STXBP5L: variants seen among roughly 807,000 people sequenced by gnomAD.
The protein encoded by STXBP5L is syntaxin-binding protein 5-like.
STXBP5L carries 65 observed loss-of-function variants against 144.5 expected under a neutral mutation model. That is an observed-to-expected ratio of 0.45 (90% CI 0.37 to 0.55). The LOEUF (loss-of-function observed/expected upper bound fraction) is 0.55. Ranked by LOEUF, STXBP5L falls within the 20% of genes least tolerant of loss-of-function variation. The pLI is 0.00. For synonymous variants in STXBP5L, 505 were observed against 469.6 expected (o/e 1.08, Z -0.97); for missense variants, 1,298 against 1,405.5 (o/e 0.92, Z 1.22).
chr3:120,959,668 A>G (rs1468896374), intron 3 of STXBP5L, among the ~76,000 whole-genome samples: 1 of 152,250 alleles, frequency 6.6e-6, no homozygotes, highest in Non-Finnish European at 1.5e-5. Flanking sequence ...TCCCTATTTT[A>G]TAAATGATGC....
chr3:121,161,399 C>G (rs1468509105), intron 9 of STXBP5L, among the ~76,000 whole-genome samples: 2 of 151,962 alleles, frequency 1.3e-5, no homozygotes, highest in Non-Finnish European at 2.9e-5. Context: ...TCTGTAGTAG[C>G]TTGAATTTTG....
intron 3 of STXBP5L, among the ~76,000 whole-genome samples, chr3:120,979,312 G>A (rs1346172509): frequency 1.3e-5 from 2 of 152,208 alleles, no homozygotes; most frequent in Non-Finnish European, 2.9e-5. Context: ...TGCTGTGCTA[G>A]CAATCAGCAA....
chr3:121,157,448 G>T (rs2046156545), intron 8 of STXBP5L, 56 bp from the exon 9 acceptor site: 2 of 1,494,560 alleles, frequency 1.3e-6, no homozygotes, highest in South Asian at 1.4e-5. Flanking sequence ...AATATAGAAT[G>T]ATATAACCTA....
chr3:120,986,656 C>T (rs1229730035), intron 3 of STXBP5L, among the ~76,000 whole-genome samples: 2 of 151,790 alleles, frequency 1.3e-5, no homozygotes, highest in African/African-American at 4.8e-5. Context: ...TTAGTATAGA[C>T]ACACCTGTTC....
rs369272319 is a variant in STXBP5L at position 121,407,521 on chromosome 3, A to T, written c.2866A>T (p.Ile956Leu). 14 of 1,613,290 alleles carry T rather than the reference A, an allele frequency of 8.7e-6. No homozygotes were observed. In the African/African-American group the frequency reaches 1.9e-4, roughly 22 times the overall value. The change falls in exon 23 of 27, where the codon ATA becomes TTA. Residue 956 changes from isoleucine (I) to leucine (L), a missense_variant. Ile to Leu is a conservative substitution (Grantham distance 5, BLOSUM62 2). Transcript: ENST00000471454. ...YVHNITETSF[I>L]LQANVVVMCS... ...TCATAACATCACGGAGACATCTTTTATACTGCAAGCAAATGTGGTGGTCAT... is the reference window on the plus strand; with the variant it reads ...TCATAACATCACGGAGACATCTTTTTTACTGCAAGCAAATGTGGTGGTCAT...
chr3:120,941,179 TAAG>T (rs1448817612), intron 2 of STXBP5L, among the ~76,000 whole-genome samples: 1 of 151,698 alleles, frequency 6.6e-6, no homozygotes, highest in Non-Finnish European at 1.5e-5. Flanking sequence ...TTGATAAAAA[TAAG>T]TAGTATTTTG....
intron 4 of STXBP5L, among the ~76,000 whole-genome samples, chr3:121,042,847 A>C (rs1476531831): frequency 6.6e-6 from 1 of 151,926 alleles, no homozygotes; most frequent in Admixed American, 6.6e-5. Context: ...TGAAATGAGA[A>C]AGGAAGGTAA....
intron 19 of STXBP5L, among the ~76,000 whole-genome samples, chr3:121,284,352 T>C (rs1462359805): frequency 7.2e-5 from 11 of 152,084 alleles, no homozygotes; most frequent in Admixed American, 3.3e-4. Flanking sequence ...GTTTACTTTC[T>C]ATAGTAAGCC....
intron 3 of STXBP5L, among the ~76,000 whole-genome samples, chr3:120,960,884 A>C (rs138016472): frequency 0.019 from 2,932 of 152,072 alleles, 88 homozygotes; most frequent in African/African-American, 0.066. Flanking sequence ...CGTTGTGCAC[A>C]TGTACCCTAA....
chr3:121,022,780 C>G (rs1410250396), intron 3 of STXBP5L, among the ~76,000 whole-genome samples: 1 of 152,098 alleles, frequency 6.6e-6, no homozygotes, highest in African/African-American at 2.4e-5. Context: ...CCATCTGTGA[C>G]AAACCCACAG....
At chr3:121,353,758 C>T (rs1461307243) in intron 20 of STXBP5L, among the ~76,000 whole-genome samples, 1 of 152,108 alleles carries the variant, frequency 6.6e-6, no homozygotes, top group Non-Finnish European at 1.5e-5. Flanking sequence ...TTCTCTAGCT[C>T]TTTTAATTGT....
chr3:121,162,119 A>G (rs1434956587), intron 9 of STXBP5L, among the ~76,000 whole-genome samples: 1 of 152,186 alleles, frequency 6.6e-6, no homozygotes, highest in African/African-American at 2.4e-5. Context: ...CATGGGAATA[A>G]GCCTTAATGT....
At chr3:121,240,164 G>A (rs1490094019) in intron 13 of STXBP5L, among the ~76,000 whole-genome samples, 1 of 152,046 alleles carries the variant, frequency 6.6e-6, no homozygotes, top group Non-Finnish European at 1.5e-5. Flanking sequence ...GATGCATGTA[G>A]CAACACTGTA....
At chr3:121,234,194 T>A (rs1395622004) in intron 12 of STXBP5L, among the ~76,000 whole-genome samples, 1 of 152,126 alleles carries the variant, frequency 6.6e-6, no homozygotes, top group East Asian at 1.9e-4. Context: ...TCCTTTACAT[T>A]GTCAGTAAAA....
chr3:121,246,282 C>G (rs537049217), intron 14 of STXBP5L, among the ~76,000 whole-genome samples: 18 of 152,194 alleles, frequency 1.2e-4, no homozygotes, highest in Non-Finnish European at 2.2e-4. Context: ...TGAGGTGGAA[C>G]AGTTTCATCC....
At chr3:121,387,443 C>T (rs186046164) in intron 22 of STXBP5L, among the ~76,000 whole-genome samples, 1 of 152,236 alleles carries the variant, frequency 6.6e-6, no homozygotes, top group Admixed American at 6.5e-5. Context: ...CTTTTGTTGC[C>T]ATTGCTTTTG....
At position 120,931,096 on chromosome 3, in the gene STXBP5L, C is replaced by CT. The variant is rs76276771; in HGVS notation, c.189+21344dup. 7.4e-3 allele frequency among the ~76,000 whole-genome samples: 1,014 copies of CT among 136,214 alleles called. 5 individuals are homozygous for CT. The highest frequency in any genetic ancestry group is 0.026 in the South Asian group (108 of 4,148). 89.4% of individuals were successfully genotyped at this position (136,214 alleles called of 152,430 possible). A position where few individuals can be genotyped will look rare whatever the true frequency, so the allele number is the denominator to read the frequency against. ...GTAGTTAAACAAAGTTGGGTTTTCT[C>CT]TTTTTTTTTTTTTTTAGAATAAGGG... On this transcript the variant is annotated intron_variant, in intron 2 of 26. Coordinates refer to ENST00000471454, the MANE Select transcript of STXBP5L (RefSeq NM_001308330.2).
At chr3:121,169,377 TAA>T (rs1350587501) in intron 9 of STXBP5L, among the ~76,000 whole-genome samples, 3 of 152,138 alleles carry the variant, frequency 2.0e-5, no homozygotes, top group African/African-American at 7.2e-5. Context: ...ATGCCCCAAT[TAA>T]AAGACACAGA....
chr3:121,188,003 G>A (rs112193753), intron 9 of STXBP5L, among the ~76,000 whole-genome samples: 1 of 152,072 alleles, frequency 6.6e-6, no homozygotes, highest in African/African-American at 2.4e-5. Flanking sequence ...AAATATATAT[G>A]CACCGAATGC....
Sources: allele counts gnomAD v4.1 joint callset (sites outside exome capture counted in the v4.1 genomes callset), GRCh38; gene constraint gnomAD v4.1.1; transcripts MANE v1.5; gene names NCBI Gene and HGNC (gene_info 2026-07-23, HGNC 2026-07-21).